Variants in ST3GAL5 observed in about 807,000 individuals in gnomAD.
ST3GAL5 encodes the protein lactosylceramide alpha-2,3-sialyltransferase.
ST3GAL5 carries 25 observed loss-of-function variants against 46.1 expected under a neutral mutation model. That is an observed-to-expected ratio of 0.54 (90% CI 0.40 to 0.76). The LOEUF (loss-of-function observed/expected upper bound fraction) is 0.76. Among genes scored for constraint, ST3GAL5 ranks in the 30% least tolerant of loss-of-function variants. The pLI is 0.00. For synonymous variants in ST3GAL5, 182 were observed against 192.7 expected, an observed-to-expected ratio of 0.94 and a Z score of 0.46; for missense variants, 431 against 521.2, an observed-to-expected ratio of 0.83 and a Z score of 1.69.
rs71392946 is a variant in ST3GAL5 at position 85,864,583 on chromosome 2, C to CAAA, written c.83-1101_83-1099dup. Among the ~76,000 whole-genome samples the CAAA allele has an allele frequency of 2.9e-3, 359 of 125,802 alleles. 1 individual carries two copies. Among genetic ancestry groups the CAAA allele is most frequent in the African/African-American group, 9.1e-3 (333 of 36,728 alleles). The allele number at this position is 125,802 out of a possible 152,430, so 82.5% of individuals were successfully genotyped here. On this transcript the variant is annotated intron_variant, in intron 1 of 6. Coordinates refer to ENST00000638572, the MANE Select transcript of ST3GAL5 (RefSeq NM_003896.4). ...TACATTAAAAGCAGAAGTGTTACAT[C>CAAA]AAAAAAAAAAAAGAAAAAGAGAGAA... is the stretch of plus-strand genomic sequence containing the variant.
intron 4 of ST3GAL5, chr2:85,847,586 A>G (rs549467873): frequency 8.3e-7 from 1 of 1,207,512 alleles, no homozygotes; most frequent in South Asian, 1.9e-5. Flanking sequence ...GTTGGTTTTA[A>G]AAGCGATGTA....
chr2:85,881,022 A>G, intron 1 of ST3GAL5: 1 of 497,102 alleles, frequency 2.0e-6, no homozygotes, highest in South Asian at 1.5e-5. Context: ...GTGTTGTGGG[A>G]GGGACCCAGG....
intron 1 of ST3GAL5, among the ~76,000 whole-genome samples, chr2:85,883,437 T>C: frequency 6.6e-6 from 1 of 152,202 alleles, no homozygotes; most frequent in Non-Finnish European, 1.5e-5. Flanking sequence ...ATTAAACCTC[T>C]TTCTTTTGTA....
chr2:85,846,197 C>A lies in ST3GAL5; in HGVS notation c.849+180G>T, dbSNP rs575556500. The A allele has an allele frequency of 9.5e-6, 6 of 632,966 alleles. No individual in the cohort carries two copies. In the Admixed American group the frequency reaches 1.6e-4, roughly 17 times the overall value. 39.2% of individuals were successfully genotyped at this position (632,966 alleles called of 1,614,324 possible). A position where few individuals can be genotyped will look rare whatever the true frequency, so the allele number is the denominator to read the frequency against. On this transcript the variant is annotated intron_variant, in intron 5 of 6. Coordinates refer to ENST00000638572, the MANE Select transcript of ST3GAL5 (RefSeq NM_003896.4). Reference sequence around the variant, plus strand: ...CTAGCCTGGACAACAGAATGAGACTCCATCCCCAAAAAAAAGAATTGCTGA... The same window carrying A: ...CTAGCCTGGACAACAGAATGAGACTACATCCCCAAAAAAAAGAATTGCTGA...
At chr2:85,844,631 G>A (rs1682552512) in intron 5 of ST3GAL5, 77 bp from the exon 6 acceptor site, 1 of 1,595,032 alleles carries the variant, frequency 6.3e-7, no homozygotes, top group East Asian at 2.2e-5. Flanking sequence ...TCAGACCAAG[G>A]CTGTGGGTGT....
intron 3 of ST3GAL5, chr2:85,856,532 C>T (rs751394404): frequency 1.3e-5 from 2 of 152,062 alleles, no homozygotes; most frequent in Non-Finnish European, 2.9e-5. Context: ...CTGTAAATCA[C>T]TAAAACCATA....
rs372131685 is a variant in ST3GAL5 at position 85,846,267 on chromosome 2, T to G, written c.849+110A>C. 57 of 968,032 alleles carry G rather than the reference T, an allele frequency of 5.9e-5. No individual in the cohort carries two copies. In the East Asian group the frequency reaches 1.2e-3, roughly 20 times the overall value. 60.0% of individuals were successfully genotyped at this position (968,032 alleles called of 1,614,324 possible). On this transcript the variant is annotated intron_variant, in intron 5 of 6. Transcript: ENST00000638572. Reference sequence around the variant, plus strand: ...TGATCATCATTTGAAAGACAACACATAAGTATGCATTCCGCTCTGCGTGTT... The same window carrying G: ...TGATCATCATTTGAAAGACAACACAGAAGTATGCATTCCGCTCTGCGTGTT...
rs1272089535 is a variant in ST3GAL5, at chr2:85,840,942, C to CAAAAAAAAAAA, written c.1009-561_1009-551dup. 7.9e-4 allele frequency among the ~76,000 whole-genome samples: 19 copies of CAAAAAAAAAAA among 24,178 alleles called. 2 individuals carry two copies. The highest frequency in any genetic ancestry group is 1.0e-3 in the Non-Finnish European group (12 of 11,722). The allele number at this position is 24,178 out of a possible 152,430, so 15.9% of individuals were successfully genotyped here. A position where few individuals can be genotyped will look rare whatever the true frequency, so the allele number is the denominator to read the frequency against. On this transcript the variant is annotated intron_variant, in intron 6 of 6. Coordinates refer to ENST00000638572, the MANE Select transcript of ST3GAL5 (RefSeq NM_003896.4). Reference sequence around the variant, plus strand: ...CTGGCGACAGAGCAAGACTCTGTCTCAAAAAAAAAAAAAAAAAAAAAAAAG... The same window carrying CAAAAAAAAAAA: ...CTGGCGACAGAGCAAGACTCTGTCTCAAAAAAAAAAAAAAAAAAAAAAAAAAAAAAAAAAAG...
chr2:85,853,239 G>C (rs1303734581), intron 3 of ST3GAL5: 1 of 418,246 alleles, frequency 2.4e-6, no homozygotes, highest in East Asian at 7.2e-5. Flanking sequence ...AAAGTGTCCA[G>C]GCATCCCTTC....
chr2:85,875,791 G>C (rs965746491), intron 1 of ST3GAL5, among the ~76,000 whole-genome samples: 1 of 152,116 alleles, frequency 6.6e-6, no homozygotes, highest in Non-Finnish European at 1.5e-5. Flanking sequence ...AGAAGCCCCA[G>C]CACTGTTCTT....
intron 1 of ST3GAL5, among the ~76,000 whole-genome samples, chr2:85,874,345 C>G (rs921063906): frequency 1.3e-5 from 2 of 152,128 alleles, no homozygotes; most frequent in Non-Finnish European, 2.9e-5. Context: ...GGGATTTCTC[C>G]AAGACTTTAC....
intron 6 of ST3GAL5, 91 bp from the exon 7 acceptor site, chr2:85,840,483 G>A: frequency 3.5e-6 from 5 of 1,415,854 alleles, no homozygotes; most frequent in Non-Finnish European, 4.9e-6. Flanking sequence ...GCAGAGTCAT[G>A]AAAGCTACAT....
intron 2 of ST3GAL5, among the ~76,000 whole-genome samples, chr2:85,862,510 T>G (rs1343949129): frequency 4.7e-5 from 7 of 147,896 alleles, no homozygotes; most frequent in African/African-American, 9.9e-5. Flanking sequence ...AAAAAAAAAA[T>G]AAAAGAAAAG....
chr2:85,871,538 A>G (rs1055367826), intron 1 of ST3GAL5, among the ~76,000 whole-genome samples: 4 of 152,232 alleles, frequency 2.6e-5, no homozygotes, highest in African/African-American at 9.6e-5. Context: ...TTGCCAAATT[A>G]ACTATACAGA....
At chr2:85,880,924 T>C in intron 1 of ST3GAL5, 3 of 518,372 alleles carry the variant, frequency 5.8e-6, no homozygotes, top group Non-Finnish European at 1.2e-5. Flanking sequence ...TGTCAGATGA[T>C]GTTTCAGATT....
Position 85,848,015 on chromosome 2 carries a change from T to C in ST3GAL5, c.508A>G (p.Lys170Glu). The stretch of plus-strand genomic sequence containing the variant: ...AAGAGTTCCAAGAGGGTCTGGACTT[T>C]ACTGGAGAACTTCCGGAACCCAAAA... ...PPFGFRKFSS[K>E]VQTLLELLPE... is the part of the protein sequence containing the mutation. Residue 170 changes from lysine (K) to glutamate (E), a missense_variant, in exon 4 of 7, where the codon AAA becomes GAA. Physicochemically the swap from Lys to Glu is moderately conservative, Grantham distance 56. Transcript: ENST00000638572. The C allele has an allele frequency of 6.2e-7, 1 of 1,614,164 alleles. No homozygotes were observed. The highest frequency in any genetic ancestry group is 8.5e-7 in the Non-Finnish European group (1 of 1,180,022).
chr2:85,885,779 C>T (rs1687679510), intron 1 of ST3GAL5, among the ~76,000 whole-genome samples: 1 of 150,266 alleles, frequency 6.7e-6, no homozygotes, highest in East Asian at 2.0e-4. Context: ...GAACTGAGAT[C>T]GTGCCACTGC....
In ST3GAL5 at chr2:85,888,988, G is replaced by C; in HGVS notation, c.-83C>G. On this transcript the variant is annotated 5_prime_UTR_variant, in exon 1 of 7. Transcript: ENST00000638572. ...CCAGCGCCGCTCTCGCGCCCATTCA[G>C]CTGGGGGCCGCCGCTCCCCCGCTCA... 2 of 1,067,344 alleles carry C rather than the reference G, an allele frequency of 1.9e-6. No homozygotes were observed. Among genetic ancestry groups the C allele is most frequent in the Non-Finnish European group, 2.4e-6 (2 of 840,374 alleles). The allele number at this position is 1,067,344 out of a possible 1,614,324, so 66.1% of individuals were successfully genotyped here.
intron 1 of ST3GAL5, among the ~76,000 whole-genome samples, chr2:85,885,931 T>C (rs978533550): frequency 6.6e-6 from 1 of 151,894 alleles, no homozygotes; most frequent in African/African-American, 2.4e-5. Flanking sequence ...CAGACACATA[T>C]GTACCAAAGC....
Sources: gnomAD v4.1 joint callset for allele counts (sites outside exome capture counted in the v4.1 genomes callset) on GRCh38, gnomAD v4.1.1 for gene constraint, MANE v1.5 for transcripts, NCBI Gene and HGNC (gene_info 2026-07-23, HGNC 2026-07-21) for gene names.